RPTOR: variants seen among roughly 807,000 people sequenced by gnomAD.
RPTOR encodes the protein regulatory associated protein of MTOR complex 1, also known as regulatory-associated protein of mTOR.
RPTOR carries 21 observed loss-of-function variants against 169.9 expected under a neutral mutation model. The observed-to-expected ratio is 0.12, with a 90% CI of 0.09 to 0.18. RPTOR has a LOEUF of 0.18. Among genes scored for constraint, RPTOR ranks in the 10% least tolerant of loss-of-function variants. The probability of loss-of-function intolerance (pLI) is 1.00; values close to 1 mark genes in which losing one functional copy is unlikely to be tolerated. For synonymous variants in RPTOR, 732 were observed against 753.2 expected (o/e 0.97, Z 0.46); for missense variants, 1,133 against 1,855.9 (o/e 0.61, Z 7.16).
intron 21 of RPTOR, among the ~76,000 whole-genome samples, chr17:80,921,903 T>C (rs1296856219): frequency 1.3e-5 from 2 of 152,150 alleles, no homozygotes; most frequent in Non-Finnish European, 2.9e-5. Context: ...GTCCATGCAG[T>C]GCACCCAGCA....
At position 80,570,403 on chromosome 17, in the gene RPTOR, G is replaced by A. The variant is rs188400215; in HGVS notation, c.162+24612G>A. On this transcript the variant is annotated intron_variant, in intron 1 of 33. Coordinates refer to ENST00000306801, the MANE Select transcript of RPTOR (RefSeq NM_020761.3). ...AAAGTGCCAGATAGATGAATGATGC[G>A]TGACGGGATCACCTTTTATTAAGTA... 2.5e-4 allele frequency among the ~76,000 whole-genome samples: 38 copies of A among 152,244 alleles called. 1 individual carries two copies. The highest frequency in any genetic ancestry group is 8.2e-4 in the African/African-American group (34 of 41,548).
intron 3 of RPTOR, among the ~76,000 whole-genome samples, chr17:80,672,596 C>G (rs1452996294): frequency 6.6e-6 from 1 of 152,112 alleles, no homozygotes; most frequent in Non-Finnish European, 1.5e-5. Flanking sequence ...CGAGACCATC[C>G]TGGCTAACAC....
Position 80,730,846 on chromosome 17 carries a change from A to G in RPTOR, c.654+140A>G, listed in dbSNP as rs2066385954. The G allele has an allele frequency of 2.4e-6, 2 of 837,138 alleles. No individual in the cohort carries two copies. The highest frequency in any genetic ancestry group is 3.7e-4 in the Middle Eastern group (1 of 2,716). 51.9% of individuals were successfully genotyped at this position (837,138 alleles called of 1,614,324 possible). A position where few individuals can be genotyped will look rare whatever the true frequency, so the allele number is the denominator to read the frequency against. On this transcript the variant is annotated intron_variant, in intron 5 of 33. Coordinates refer to ENST00000306801, the MANE Select transcript of RPTOR (RefSeq NM_020761.3). The surrounding 1 kb of genome is among the most constrained non-coding windows in gnomAD (Gnocchi z 4.2). ...CAGAATGCCAAGGGCAGGATGGCAT[A>G]TTCAATGCTGTTGAGCTAGGGAGGC...
intron 2 of RPTOR, among the ~76,000 whole-genome samples, chr17:80,641,802 A>C (rs1449717094): frequency 6.6e-6 from 1 of 152,222 alleles, no homozygotes; most frequent in Admixed American, 6.5e-5. Context: ...ATGGCCGCCA[A>C]CTAATGGAGG....
In RPTOR at chr17:80,730,465, C is replaced by T. The variant is rs1186772598; in HGVS notation, c.508-95C>T. On this transcript the variant is annotated intron_variant, in intron 4 of 33. Transcript: ENST00000306801. The surrounding 1 kb of genome is among the most constrained non-coding windows in gnomAD (Gnocchi z 4.2). ...ACTCAGCGTCTCTCCAGCCACCAGGCTCAATGTGTGTGCCTTTTGTAACGG... is the reference window on the plus strand; with the variant it reads ...ACTCAGCGTCTCTCCAGCCACCAGGTTCAATGTGTGTGCCTTTTGTAACGG... 5.0e-6 allele frequency: 7 copies of T among 1,407,036 alleles called. 1 individual carries two copies. The highest frequency in any genetic ancestry group is 5.0e-5 in the South Asian group (4 of 80,520). The allele number at this position is 1,407,036 out of a possible 1,614,324, so 87.2% of individuals were successfully genotyped here.
At chr17:80,963,102 A>G (rs2144105763) in intron 33 of RPTOR, 45 bp downstream of exon 33, 2 of 443,194 alleles carry the variant, frequency 4.5e-6, no homozygotes, top group Non-Finnish European at 4.5e-6. Context: ...GGGCTGGGGT[A>G]GAGGGATGGG....
At chr17:80,595,919 G>C (rs1417806789) in intron 1 of RPTOR, among the ~76,000 whole-genome samples, 1 of 152,168 alleles carries the variant, frequency 6.6e-6, no homozygotes, top group Non-Finnish European at 1.5e-5. Context: ...GTGTTTTGAG[G>C]ATATCCCTGG....
chr17:80,697,610 C>T (rs967037001), intron 3 of RPTOR, among the ~76,000 whole-genome samples: 6 of 152,170 alleles, frequency 3.9e-5, no homozygotes, highest in Admixed American at 6.5e-5. Context: ...TGCACAGCCA[C>T]GTCAGGGACT....
intron 21 of RPTOR, among the ~76,000 whole-genome samples, chr17:80,917,188 C>G (rs941631279): frequency 6.6e-6 from 1 of 151,324 alleles, no homozygotes; most frequent in East Asian, 1.9e-4. Context: ...TCTCAGCTCA[C>G]TGCAACCTCC....
intron 3 of RPTOR, among the ~76,000 whole-genome samples, chr17:80,699,115 T>C (rs568415626): frequency 6.6e-6 from 1 of 152,338 alleles, no homozygotes; most frequent in South Asian, 2.1e-4. Flanking sequence ...AATGGAATTG[T>C]TTAAAATGCC....
In RPTOR at chr17:80,866,465, G is replaced by A. The variant is rs139469773; in HGVS notation, c.1509+8565G>A. Among the ~76,000 whole-genome samples the A allele has an allele frequency of 1.9e-3, 287 of 152,216 alleles. 3 individuals carry two copies. Among genetic ancestry groups the A allele is most frequent in the East Asian group, 8.9e-3 (46 of 5,184 alleles). The stretch of plus-strand genomic sequence containing the variant: ...TACAAATCAGACTGGAGACTAATAC[G>A]AAAGAAGACAGTGAAACATCAAAAT... On this transcript the variant is annotated intron_variant, in intron 13 of 33. Coordinates refer to ENST00000306801, the MANE Select transcript of RPTOR (RefSeq NM_020761.3).
rs566871607 is a variant in RPTOR, at chr17:80,590,036, A to G, written c.163-35655A>G. ...TGAGCTAATTTCGTAGGCAATCTCC[A>G]TCAGATTAAGGAAGGTTTCTTTCTT... is the stretch of plus-strand genomic sequence containing the variant. On this transcript the variant is annotated intron_variant, in intron 1 of 33. Transcript: ENST00000306801. 2.0e-3 allele frequency among the ~76,000 whole-genome samples: 299 copies of G among 152,386 alleles called. 1 individual carries two copies. The highest frequency in any genetic ancestry group is 6.9e-3 in the African/African-American group (288 of 41,592).
chr17:80,742,919 C>T (rs956165105), intron 5 of RPTOR, among the ~76,000 whole-genome samples: 2 of 151,202 alleles, frequency 1.3e-5, no homozygotes, highest in African/African-American at 4.9e-5. Context: ...CATGCTCATA[C>T]ATGCACATCT....
At chr17:80,797,653 T>G (rs1486431777) in intron 7 of RPTOR, among the ~76,000 whole-genome samples, 1 of 152,282 alleles carries the variant, frequency 6.6e-6, no homozygotes, top group Non-Finnish European at 1.5e-5. Flanking sequence ...AGCACATCTA[T>G]GTTTAATAGT....
intron 13 of RPTOR, among the ~76,000 whole-genome samples, chr17:80,877,690 G>C (rs755858751): frequency 6.6e-6 from 1 of 152,080 alleles, no homozygotes; most frequent in Non-Finnish European, 1.5e-5. Flanking sequence ...TGGCCCTCTG[G>C]GCTGAGTCTT....
At position 80,891,661 on chromosome 17, in the gene RPTOR, T is replaced by C. The variant is rs1365202794; in HGVS notation, c.1984-59T>C. On this transcript the variant is annotated intron_variant, in intron 17 of 33. Coordinates refer to ENST00000306801, the MANE Select transcript of RPTOR (RefSeq NM_020761.3). ...CTGTTGGTGACTCAAGTCTCACTGC[T>C]GCTCCACAATCATTTTCCAGCCCCA... 2.6e-6 allele frequency: 3 copies of C among 1,166,228 alleles called. No homozygotes were observed. The Admixed American group carries it at 5.6e-5, about 22-fold the overall frequency. The allele number at this position is 1,166,228 out of a possible 1,614,324, so 72.2% of individuals were successfully genotyped here. A position where few individuals can be genotyped will look rare whatever the true frequency, so the allele number is the denominator to read the frequency against.
rs1599586576 is a variant in RPTOR, at chr17:80,595,709, G to A, written c.163-29982G>A. Among the ~76,000 whole-genome samples, 5 of 152,280 alleles carry A rather than the reference G, an allele frequency of 3.3e-5. No homozygotes were observed. The South Asian group carries it at 1.0e-3, about 32-fold the overall frequency. ...TGGGCTCAAGCAATCCTCCAACTTCGGCCTCCCAAAGTGTTGGGATTTTGG... is the reference window on the plus strand; with the variant it reads ...TGGGCTCAAGCAATCCTCCAACTTCAGCCTCCCAAAGTGTTGGGATTTTGG... On this transcript the variant is annotated intron_variant, in intron 1 of 33. Transcript: ENST00000306801.
intron 17 of RPTOR, 126 bp from the exon 18 acceptor site, chr17:80,891,594 T>G (rs2068324830): frequency 2.9e-6 from 2 of 694,276 alleles, no homozygotes; most frequent in East Asian, 5.0e-5. Flanking sequence ...GGTCCCTGTT[T>G]CTGATGCCAA....
intron 4 of RPTOR, among the ~76,000 whole-genome samples, chr17:80,725,249 G>C (rs549959722): frequency 4.6e-5 from 7 of 152,174 alleles, no homozygotes; most frequent in Non-Finnish European, 8.8e-5. Flanking sequence ...CTCAGGCTGC[G>C]GCGACAGACT....
Sources: allele counts gnomAD v4.1 joint callset (sites outside exome capture counted in the v4.1 genomes callset), GRCh38; gene constraint gnomAD v4.1.1; non-coding constraint Gnocchi (gnomAD v3.1); transcripts MANE v1.5; gene names NCBI Gene and HGNC (gene_info 2026-07-23, HGNC 2026-07-21).